STAT4: variants seen among roughly 807,000 people sequenced by gnomAD.
STAT4 encodes the protein signal transducer and activator of transcription 4.
Under a neutral mutation model 110.5 loss-of-function variants are expected in STAT4, and 42 were observed. The observed-to-expected ratio is 0.38, with a 90% CI of 0.30 to 0.49. STAT4 has a LOEUF of 0.49. STAT4 is among the 20% of genes least tolerant of loss of function. STAT4 has a pLI of 0.95. For missense variants in STAT4, 632 were observed against 887.9 expected (o/e 0.71, Z 3.66); for synonymous variants, 284 against 302.2 (o/e 0.94, Z 0.63).
At position 191,144,634 on chromosome 2, in the gene STAT4, G is replaced by A. The variant is rs1333764523; in HGVS notation, c.273+1979C>T. Among the ~76,000 whole-genome samples, 3 of 151,954 alleles carry A rather than the reference G, an allele frequency of 2.0e-5. No individual in the cohort carries two copies. ...TGAGCAGTGGCGTAGTGAAATAGAA[G>A]TGATGGTTTAACAAGGTTCGTCTGA... On this transcript the variant is annotated intron_variant, in intron 3 of 23. Transcript: ENST00000392320. This position sits in a 1 kb window ranked among gnomAD's most constrained non-coding sequence, Gnocchi z 4.7.
In STAT4 at chr2:191,033,527, T is replaced by C. The variant is rs747310117; in HGVS notation, c.1815A>G (p.Gly605=). ...GGTCCACCCAGGTGAAAGTTATTCCTCCGAGATGGCTTTCACTGAATCTTA... is the reference window on the plus strand; with the variant it reads ...GGTCCACCCAGGTGAAAGTTATTCCCCCGAGATGGCTTTCACTGAATCTTA... ...FLLRFSESHL[G]GITFTWVDHS... The change falls in exon 20 of 24, where the codon GGA becomes GGG. Residue 605 remains glycine (G), a synonymous_variant. Transcript: ENST00000392320. The surrounding 1 kb of genome is among the most constrained non-coding windows in gnomAD (Gnocchi z 6.9). 1 of 1,614,190 alleles carries C rather than the reference T, an allele frequency of 6.2e-7. No homozygotes were observed. The highest frequency in any genetic ancestry group is 8.5e-7 in the Non-Finnish European group (1 of 1,180,026).
At chr2:191,133,522 T>C (rs144185245) in intron 3 of STAT4, among the ~76,000 whole-genome samples, 1 of 151,712 alleles carries the variant, frequency 6.6e-6, no homozygotes, top group African/African-American at 2.4e-5. Context: ...CATCTGCATA[T>C]ATACATGTAT....
chr2:191,140,896 AC>A lies in STAT4; in HGVS notation c.273+5716del, dbSNP rs1238798754. On this transcript the variant is annotated intron_variant, in intron 3 of 23. Coordinates refer to ENST00000392320, the MANE Select transcript of STAT4 (RefSeq NM_003151.4). This position sits in a 1 kb window ranked among gnomAD's most constrained non-coding sequence, Gnocchi z 4.4. ...ATGTGGTATATATACACTATGGAAT[AC>A]TACTCAGCCATAAAAAGGAATGAAA... Among the ~76,000 whole-genome samples the A allele has an allele frequency of 2.0e-5, 3 of 152,260 alleles. No individual in the cohort carries two copies. Among genetic ancestry groups the A allele is most frequent in the African/African-American group, 7.2e-5 (3 of 41,456 alleles).
chr2:191,065,221 C>T (rs55906007), intron 7 of STAT4, among the ~76,000 whole-genome samples: 120 of 152,126 alleles, frequency 7.9e-4, no homozygotes, highest in Admixed American at 4.8e-3. Context: ...GTAACTCCTG[C>T]GGCAACAATA....
chr2:191,120,244 G>A (rs1698682196), intron 3 of STAT4, among the ~76,000 whole-genome samples: 2 of 152,102 alleles, frequency 1.3e-5, no homozygotes, highest in Non-Finnish European at 1.5e-5. Context: ...CCATGTAGAG[G>A]AGACTGAAAA....
In STAT4 at chr2:191,076,262, T is replaced by C; in HGVS notation, c.337A>G (p.Arg113Gly). 6.2e-7 allele frequency: 1 copy of C among 1,613,864 alleles called. No homozygotes were observed. The highest frequency in any genetic ancestry group is 8.5e-7 in the Non-Finnish European group (1 of 1,179,922). The change falls in exon 4 of 24, where the codon AGG (arginine) becomes GGG (glycine). Residue 113 changes from arginine (R) to glycine (G), a missense_variant. Physicochemically the swap from Arg to Gly is moderately radical, Grantham distance 125. Around this residue, in one of 4 missense-constraint regions of STAT4, gnomAD observed 488 missense variants for 632.8 expected, o/e 0.77. Transcript: ENST00000392320. ...VVISNCLREE[R>G]RILAAANMPV... ...ATGTTGGCTGCAGCCAATATTCTCC[T>C]CTCTTCCCTTAAACAGTTTGAAATA...
chr2:191,080,837 T>A (rs1697446530), intron 3 of STAT4, among the ~76,000 whole-genome samples: 1 of 152,162 alleles, frequency 6.6e-6, no homozygotes, highest in Non-Finnish European at 1.5e-5. Flanking sequence ...AATAATACCT[T>A]TGAAAAAGTT....
intron 3 of STAT4, among the ~76,000 whole-genome samples, chr2:191,096,036 C>T (rs1420626318): frequency 2.0e-5 from 3 of 152,128 alleles, no homozygotes; most frequent in Non-Finnish European, 2.9e-5. Flanking sequence ...GGATAAATTC[C>T]TTGACACATA....
chr2:191,054,140 A>G (rs889151654), intron 14 of STAT4, among the ~76,000 whole-genome samples: 20 of 146,500 alleles, frequency 1.4e-4, no homozygotes, highest in South Asian at 4.4e-4. Context: ...AAAAAAAAAA[A>G]AAAGAAAGAA....
chr2:191,076,455 C>A, intron 3 of STAT4, 130 bp from the exon 4 acceptor site: 1 of 686,402 alleles, frequency 1.5e-6, no homozygotes. Flanking sequence ...GGATTTGTTC[C>A]AATACTCTGT....
Position 191,059,679 on chromosome 2 carries a change from G to T in STAT4, c.1035-910C>A, listed in dbSNP as rs1006529457. ...ACAAATGGAAAACAGAGAATATGGCGATAAGCAGCTCACTGGCATTAGAGA... is the reference window on the plus strand; with the variant it reads ...ACAAATGGAAAACAGAGAATATGGCTATAAGCAGCTCACTGGCATTAGAGA... On this transcript the variant is annotated intron_variant, in intron 10 of 23. Coordinates refer to ENST00000392320, the MANE Select transcript of STAT4 (RefSeq NM_003151.4). This position sits in a 1 kb window ranked among gnomAD's most constrained non-coding sequence, Gnocchi z 4.7. Among the ~76,000 whole-genome samples the T allele has an allele frequency of 6.6e-6, 1 of 152,192 alleles. No homozygotes were observed. Among genetic ancestry groups the T allele is most frequent in the Non-Finnish European group, 1.5e-5 (1 of 68,026 alleles).
chr2:191,073,025 G>T, intron 5 of STAT4, 73 bp downstream of exon 5: 2 of 1,221,494 alleles, frequency 1.6e-6, no homozygotes, highest in Non-Finnish European at 2.4e-6. Flanking sequence ...AACTTTGGGT[G>T]CATGGGAGAA....
In STAT4 at chr2:191,110,410, C is replaced by T. The variant is rs1183464100; in HGVS notation, c.274-34085G>A. On this transcript the variant is annotated intron_variant, in intron 3 of 23. Transcript: ENST00000392320. The surrounding 1 kb of genome is among the most constrained non-coding windows in gnomAD (Gnocchi z 4.5). ...GTCTTCTATATGCCTTGTGCTCGCA[C>T]ATATCATCTCATTCAAAGCCTACTG... 1.3e-5 allele frequency among the ~76,000 whole-genome samples: 2 copies of T among 152,134 alleles called. No individual in the cohort carries two copies. Among genetic ancestry groups the T allele is most frequent in the African/African-American group, 2.4e-5 (1 of 41,408 alleles).
In STAT4 at chr2:191,117,156, TGG is replaced by T. The variant is rs969737559; in HGVS notation, c.273+29455_273+29456del. 4.6e-5 allele frequency among the ~76,000 whole-genome samples: 7 copies of T among 152,164 alleles called. No homozygotes were observed. Among genetic ancestry groups the T allele is most frequent in the African/African-American group, 1.7e-4 (7 of 41,452 alleles). ...CAGGCAATGTTGAGAACACTGAGTG[TGG>T]GGTATTCTTTCCCAAACTTGTCTGA... On this transcript the variant is annotated intron_variant, in intron 3 of 23. Coordinates refer to ENST00000392320, the MANE Select transcript of STAT4 (RefSeq NM_003151.4). This position sits in a 1 kb window ranked among gnomAD's most constrained non-coding sequence, Gnocchi z 5.2.
At chr2:191,132,747 AT>A (rs1699069389) in intron 3 of STAT4, among the ~76,000 whole-genome samples, 1 of 147,392 alleles carries the variant, frequency 6.8e-6, no homozygotes, top group African/African-American at 2.6e-5. Flanking sequence ...TCATCTCTTA[AT>A]GGTTTTCTTT....
chr2:191,134,361 C>T lies in STAT4; in HGVS notation c.273+12252G>A, dbSNP rs184329240. On this transcript the variant is annotated intron_variant, in intron 3 of 23. Transcript: ENST00000392320. Reference sequence around the variant, plus strand: ...CTACTGTTGCTATATCCAGCACTTACGAAAGCCACCTAGAGGCTTAATATT... The same window carrying T: ...CTACTGTTGCTATATCCAGCACTTATGAAAGCCACCTAGAGGCTTAATATT... 1.1e-3 allele frequency among the ~76,000 whole-genome samples: 171 copies of T among 152,266 alleles called. 1 individual carries two copies. The highest frequency in any genetic ancestry group is 1.7e-3 in the South Asian group (8 of 4,818).
Position 191,032,901 on chromosome 2 carries a change from A to C in STAT4, c.2044+57T>G. ...ACTTCATTTACTTTGCTCCAATATG[A>C]GGTTATTTTCCAAAATCTTAAGGAA... On this transcript the variant is annotated intron_variant, in intron 21 of 23. Transcript: ENST00000392320. This position sits in a 1 kb window ranked among gnomAD's most constrained non-coding sequence, Gnocchi z 4.9. The C allele has an allele frequency of 6.6e-7, 1 of 1,509,670 alleles. No homozygotes were observed. Among genetic ancestry groups the C allele is most frequent in the Non-Finnish European group, 9.0e-7 (1 of 1,115,318 alleles). 93.5% of individuals were successfully genotyped at this position (1,509,670 alleles called of 1,614,324 possible).
At chr2:191,132,051 C>A (rs1490563165) in intron 3 of STAT4, among the ~76,000 whole-genome samples, 1 of 151,754 alleles carries the variant, frequency 6.6e-6, no homozygotes, top group Non-Finnish European at 1.5e-5. Flanking sequence ...AGAAACGTTT[C>A]TTAAGAAACG....
At chr2:191,114,588 A>G (rs1404136483) in intron 3 of STAT4, among the ~76,000 whole-genome samples, 1 of 152,182 alleles carries the variant, frequency 6.6e-6, no homozygotes, top group Non-Finnish European at 1.5e-5. Context: ...TTTTCAGCTG[A>G]GCACTTATTA....
Sources: gnomAD v4.1 joint callset for allele counts (sites outside exome capture counted in the v4.1 genomes callset) on GRCh38, gnomAD v4.1.1 for gene constraint, gnomAD v4.1.1 regional missense constraint, Gnocchi (gnomAD v3.1) non-coding constraint, MANE v1.5 for transcripts, NCBI Gene and HGNC (gene_info 2026-07-23, HGNC 2026-07-21) for gene names.